ITGB2: variants seen among roughly 807,000 people sequenced by gnomAD.
ITGB2 encodes the protein integrin beta-2.
In ITGB2, 56 loss-of-function variants were observed where a neutral mutation model predicts 86.8. The observed-to-expected ratio is 0.65, with a 90% confidence interval of 0.52 to 0.81. The LOEUF is 0.81. ITGB2 is among the 30% of genes least tolerant of loss of function. ITGB2 has a pLI of 0.00. For missense variants in ITGB2, 948 were observed against 1,061.2 expected, an observed-to-expected ratio of 0.89 and a Z score of 1.48; for synonymous variants, 457 against 450.4, an observed-to-expected ratio of 1.01 and a Z score of -0.19.
chr21:44,894,848 G>GC (rs2083840361), intron 9 of ITGB2, 123 bp downstream of exon 9: 1 of 756,202 alleles, frequency 1.3e-6, no homozygotes, highest in Admixed American at 2.0e-5. Flanking sequence ...GCTGCAGCTG[G>GC]CCCACGGGGC....
At chr21:44,901,824 C>T in intron 5 of ITGB2, 91 bp from the exon 6 acceptor site, 1 of 1,418,754 alleles carries the variant, frequency 7.0e-7, no homozygotes, top group Non-Finnish European at 9.6e-7. Flanking sequence ...AGCCTGTTTC[C>T]TCTCTCCTAG....
intron 2 of ITGB2, 176 bp from the exon 3 acceptor site, chr21:44,910,548 C>T: frequency 7.0e-7 from 1 of 1,423,868 alleles, no homozygotes; most frequent in South Asian, 1.2e-5. Flanking sequence ...GGAAACAGCA[C>T]AGCTACAGCC....
chr21:44,911,856 A>C (rs1272385415), intron 1 of ITGB2, among the ~76,000 whole-genome samples: 1 of 151,906 alleles, frequency 6.6e-6, no homozygotes, highest in Non-Finnish European at 1.5e-5. Context: ...CCTTCCCTCC[A>C]TCCGGGAGGT....
intron 11 of ITGB2, among the ~76,000 whole-genome samples, chr21:44,890,516 T>A (rs2083771598): frequency 1.3e-5 from 2 of 152,316 alleles, no homozygotes; most frequent in Admixed American, 6.5e-5. Flanking sequence ...GCACATGGCC[T>A]GTGCTGCGAT....
chr21:44,889,501 A>G lies in ITGB2; in HGVS notation c.1658-6T>C. 1 of 1,556,292 alleles carries G rather than the reference A, an allele frequency of 6.4e-7. No individual in the cohort carries two copies. The highest frequency in any genetic ancestry group is 8.7e-7 in the Non-Finnish European group (1 of 1,150,674). On this transcript the variant is annotated splice_polypyrimidine_tract_variant and splice_region_variant and intron_variant, in intron 12 of 15. Coordinates refer to ENST00000652462, the MANE Select transcript of ITGB2 (RefSeq NM_000211.5). ...GCAGAAGCAGAGCCCCCTCCCTGGA[A>G]GACGGGGCAGCACGGCTAAGCTCCT...
chr21:44,913,220 C>G (rs1161307152), intron 1 of ITGB2, among the ~76,000 whole-genome samples: 1 of 152,076 alleles, frequency 6.6e-6, no homozygotes, highest in Admixed American at 6.5e-5. Context: ...CCCCTGGCAG[C>G]CCCAGCCAGG....
At position 44,900,422 on chromosome 21, in the gene ITGB2, G is replaced by A. The variant is rs372377830; in HGVS notation, c.795C>T (p.Asp265=). The change falls in exon 7 of 16, where the codon GAC becomes GAT. Residue 265 remains aspartate (D), a synonymous_variant. Transcript: ENST00000652462. ...VTRLLVFATD[D]GFHFAGDGKL... is the part of the protein sequence containing the mutation. ...TCCCGTCGCCCGCGAAATGGAAGCCGTCATCAGTGGCAAACACCAGCAGCC... is the reference window on the plus strand; with the variant it reads ...TCCCGTCGCCCGCGAAATGGAAGCCATCATCAGTGGCAAACACCAGCAGCC... 1.7e-5 allele frequency: 28 copies of A among 1,614,058 alleles called. No individual in the cohort carries two copies. The highest frequency in any genetic ancestry group is 9.3e-5 in the African/African-American group (7 of 75,058).
At chr21:44,920,029 C>A (rs35517302) in intron 1 of ITGB2, among the ~76,000 whole-genome samples, 1 of 152,124 alleles carries the variant, frequency 6.6e-6, no homozygotes, top group African/African-American at 2.4e-5. Flanking sequence ...ACCAGCTGAA[C>A]CAACTCGACC....
rs1041457 is a variant in ITGB2 at position 44,901,903 on chromosome 21, A to G, written c.500-170T>C. ...GTGAGCATGTGCGTTGTGCAAGCACACATGTGAACGTATGTGGGCGTGTGT... is the reference window on the plus strand; with the variant it reads ...GTGAGCATGTGCGTTGTGCAAGCACGCATGTGAACGTATGTGGGCGTGTGT... On this transcript the variant is annotated intron_variant, in intron 5 of 15. Transcript: ENST00000652462. 0.34 allele frequency: 242,302 copies of G among 710,714 alleles called. 43,650 individuals are homozygous for G. The highest frequency in any genetic ancestry group is 0.43 in the African/African-American group (24,068 of 55,966). 44.0% of individuals were successfully genotyped at this position (710,714 alleles called of 1,614,324 possible).
At chr21:44,920,250 AC>A (rs1405765712) in intron 1 of ITGB2, among the ~76,000 whole-genome samples, 1 of 151,882 alleles carries the variant, frequency 6.6e-6, no homozygotes, top group Non-Finnish European at 1.5e-5. Flanking sequence ...ACACACACAC[AC>A]CACACTACGC....
chr21:44,889,984 C>T lies in ITGB2; in HGVS notation c.1651G>A (p.Gly551Ser), dbSNP rs900964697. ...CERYNGQVCG[G>S]PGRGLCFCGK... is the part of the protein sequence containing the mutation. ...CAGGGACCCACGGGCTCACCCGGGC[C>T]GCCGCAGACCTGGCCGTTGTAGCGC... is the stretch of plus-strand genomic sequence containing the variant. Residue 551 changes from glycine to serine, a missense_variant, in exon 12 of 16, where the codon GGC (glycine) becomes AGC (serine). Coordinates refer to ENST00000652462, the MANE Select transcript of ITGB2 (RefSeq NM_000211.5). The T allele has an allele frequency of 5.0e-6, 8 of 1,613,030 alleles. No homozygotes were observed. In the African/African-American group the frequency reaches 6.7e-5, roughly 13 times the overall value.
At position 44,901,628 on chromosome 21, in the gene ITGB2, A is replaced by G; in HGVS notation, c.605T>C (p.Phe202Ser). 6.2e-7 allele frequency: 1 copy of G among 1,614,244 alleles called. No individual in the cohort carries two copies. Among genetic ancestry groups the G allele is most frequent in the Non-Finnish European group, 8.5e-7 (1 of 1,180,036 alleles). The change falls in exon 6 of 16, where the codon TTT becomes TCT. Residue 202 changes from phenylalanine (F) to serine (S), a missense_variant. Transcript: ENST00000652462. Reference sequence around the variant, plus strand: ...CAGCTTCAGCACGTGCCTGAAGGCAAACGGGGGCTGGCACTCTTTCTCCTT... The same window carrying G: ...CAGCTTCAGCACGTGCCTGAAGGCAGACGGGGGCTGGCACTCTTTCTCCTT... ...PNKEKECQPP[F>S]AFRHVLKLTN...
intron 1 of ITGB2, among the ~76,000 whole-genome samples, chr21:44,918,938 C>CA (rs1568909502): frequency 6.7e-6 from 1 of 148,974 alleles, no homozygotes. Context: ...GGTGGCTAAG[C>CA]GTCCCCTCTC....
chr21:44,925,011 A>G (rs2084353984), upstream of ITGB2, among the ~76,000 whole-genome samples: 1 of 152,192 alleles, frequency 6.6e-6, no homozygotes, highest in Non-Finnish European at 1.5e-5. Flanking sequence ...TTTCTTTACT[A>G]AAAAGGAAGA....
intron 7 of ITGB2, among the ~76,000 whole-genome samples, chr21:44,899,560 C>CT (rs10676204): frequency 6.6e-6 from 1 of 151,812 alleles, no homozygotes; most frequent in Non-Finnish European, 1.5e-5. Context: ...CCGTCCCTCC[C>CT]GTCTGTGGCT....
upstream of ITGB2, among the ~76,000 whole-genome samples, chr21:44,921,814 C>T (rs113911343): frequency 2.0e-5 from 3 of 152,082 alleles, no homozygotes; most frequent in Admixed American, 6.6e-5. Flanking sequence ...CTCTGCCTCC[C>T]GGGTTCAAGC....
chr21:44,901,091 G>A lies in ITGB2; in HGVS notation c.741+401C>T, dbSNP rs545595232. 1.1e-3 allele frequency among the ~76,000 whole-genome samples: 161 copies of A among 152,306 alleles called. 2 individuals carry two copies. Among genetic ancestry groups the A allele is most frequent in the Non-Finnish European group, 2.0e-3 (133 of 68,014 alleles). On this transcript the variant is annotated intron_variant, in intron 6 of 15. Transcript: ENST00000652462. ...CAGTCACAAACTGGGTGGGCGGGAC[G>A]TGGAGAGCGACACACACTGGGCAGC...
chr21:44,891,829 G>C lies in ITGB2; in HGVS notation c.1392C>G (p.Phe464Leu). The C allele has an allele frequency of 5.0e-6, 8 of 1,608,150 alleles. No homozygotes were observed. Among genetic ancestry groups the C allele is most frequent in the Middle Eastern group, 3.3e-4 (2 of 6,058 alleles). The change falls in exon 11 of 16, where the codon TTC (phenylalanine) becomes TTG (leucine). Residue 464 changes from phenylalanine to leucine, a missense_variant. By Grantham distance (22) the Phe-to-Leu change is conservative. Transcript: ENST00000652462. ...RDRSLCHGKGFLECGICRCDT... is the reference protein window; with the variant it reads ...RDRSLCHGKGLLECGICRCDT... The stretch of plus-strand genomic sequence containing the variant: ...CTCACCTGCAGATGCCGCACTCCAA[G>C]AAGCCCTTGCCATGGCAGAGGCTGC...
chr21:44,893,324 G>A, intron 10 of ITGB2, 80 bp downstream of exon 10: 1 of 1,566,090 alleles, frequency 6.4e-7, no homozygotes, highest in Non-Finnish European at 8.8e-7. Context: ...CAGTGTGCTG[G>A]GATGGGGACC....
Sources: gnomAD v4.1 joint callset for allele counts (sites outside exome capture counted in the v4.1 genomes callset) on GRCh38, gnomAD v4.1.1 for gene constraint, MANE v1.5 for transcripts, NCBI Gene and HGNC (gene_info 2026-07-23, HGNC 2026-07-21) for gene names.